The following CCDC81 variants were observed in gnomAD, a reference collection of about 807,000 sequenced individuals.
The protein encoded by CCDC81 is coiled-coil domain containing 81, also known as coiled-coil domain-containing protein 81.
A neutral mutation model predicts 83.7 loss-of-function variants in CCDC81; 79 were observed. The observed-to-expected ratio is 0.94, with a 90% confidence interval of 0.79 to 1.14. The LOEUF (loss-of-function observed/expected upper bound fraction) is 1.14. Ranked by LOEUF, CCDC81 falls within the 50% of genes most tolerant of loss-of-function variation. The pLI, the probability that CCDC81 is intolerant of heterozygous loss-of-function variation, is 0.00. For synonymous variants in CCDC81, 252 were observed against 278.1 expected (o/e 0.91, Z 0.93); for missense variants, 791 against 778.1 (o/e 1.02, Z -0.20).
intron 6 of CCDC81, among the ~76,000 whole-genome samples, chr11:86,398,311 G>A (rs372068242): frequency 9.2e-5 from 14 of 152,240 alleles, no homozygotes; most frequent in Admixed American, 4.6e-4. Context: ...TCAGATGACT[G>A]CAGGCAGGTA....
chr11:86,420,350 T>G (rs1445159670), intron 14 of CCDC81, among the ~76,000 whole-genome samples: 1 of 152,166 alleles, frequency 6.6e-6, no homozygotes, highest in East Asian at 1.9e-4. Context: ...AAATAACTAT[T>G]TGGAAGTAGG....
chr11:86,409,598 C>T (rs1016340512), intron 10 of CCDC81, among the ~76,000 whole-genome samples: 9 of 152,136 alleles, frequency 5.9e-5, no homozygotes, highest in African/African-American at 1.9e-4. Context: ...ATTACAGGCA[C>T]CCGCCACCAT....
chr11:86,412,121 T>C (rs1948650957), intron 10 of CCDC81, among the ~76,000 whole-genome samples: 1 of 152,234 alleles, frequency 6.6e-6, no homozygotes, highest in Non-Finnish European at 1.5e-5. Context: ...TCCCTGGCAA[T>C]AATCATTGTC....
chr11:86,411,469 T>G (rs1948640525), intron 10 of CCDC81, among the ~76,000 whole-genome samples: 1 of 152,220 alleles, frequency 6.6e-6, no homozygotes, highest in Admixed American at 6.5e-5. Context: ...ATGTACCGTT[T>G]CTTGCTCATT....
chr11:86,378,175 C>G (rs1278464478), intron 1 of CCDC81, among the ~76,000 whole-genome samples: 1 of 151,946 alleles, frequency 6.6e-6, no homozygotes, highest in African/African-American at 2.4e-5. Context: ...CTTGATGACT[C>G]AGCTTTATTG....
At chr11:86,379,905 G>A (rs1948153585) in intron 1 of CCDC81, among the ~76,000 whole-genome samples, 1 of 152,124 alleles carries the variant, frequency 6.6e-6, no homozygotes, top group Non-Finnish European at 1.5e-5. Flanking sequence ...GGCTGCTTGA[G>A]AGCCTAGCAG....
In CCDC81 at chr11:86,391,850, C is replaced by T. The variant is rs1040078263; in HGVS notation, c.299-691C>T. Among the ~76,000 whole-genome samples the T allele has an allele frequency of 3.3e-5, 5 of 152,130 alleles. 1 individual carries two copies. Among genetic ancestry groups the T allele is most frequent in the Admixed American group, 1.3e-4 (2 of 15,268 alleles). On this transcript the variant is annotated intron_variant, in intron 3 of 14. Coordinates refer to ENST00000445632, the MANE Select transcript of CCDC81 (RefSeq NM_001156474.2). ...CTGACCCACGTTTCCACAGGCTGTA[C>T]AGAAGTATGGCTGGGGAGGCCTCAG...
At chr11:86,403,303 G>C (rs1593928517) in intron 7 of CCDC81, among the ~76,000 whole-genome samples, 1 of 152,026 alleles carries the variant, frequency 6.6e-6, no homozygotes, top group African/African-American at 2.4e-5. Context: ...TCATAAGTAT[G>C]AATAGTTTTC....
chr11:86,396,447 C>T (rs1948409883), intron 5 of CCDC81, among the ~76,000 whole-genome samples: 1 of 152,096 alleles, frequency 6.6e-6, no homozygotes, highest in South Asian at 2.1e-4. Flanking sequence ...CTGTGCATTT[C>T]AGGTGGAGGA....
chr11:86,400,574 TA>T lies in CCDC81; in HGVS notation c.758-102del, dbSNP rs1279509808. The T allele has an allele frequency of 5.2e-6, 6 of 1,148,710 alleles. No individual in the cohort carries two copies. In the Admixed American group the frequency reaches 9.3e-5, roughly 18 times the overall value. The allele number at this position is 1,148,710 out of a possible 1,614,324, so 71.2% of individuals were successfully genotyped here. A position where few individuals can be genotyped will look rare whatever the true frequency, so the allele number is the denominator to read the frequency against. On this transcript the variant is annotated intron_variant, in intron 6 of 14. Transcript: ENST00000445632. ...AGAACAAGGGGTGATTATTTAAAGA[TA>T]AGAGAGTGTATCTTATATGAAAATT...
At chr11:86,394,266 A>T (rs1285646414) in intron 4 of CCDC81, among the ~76,000 whole-genome samples, 1 of 152,266 alleles carries the variant, frequency 6.6e-6, no homozygotes, top group East Asian at 1.9e-4. Context: ...TGTAAAGCAC[A>T]TCTTTTACAG....
chr11:86,405,373 G>A (rs771482864), intron 7 of CCDC81, among the ~76,000 whole-genome samples: 10 of 151,952 alleles, frequency 6.6e-5, no homozygotes, highest in Non-Finnish European at 8.8e-5. Context: ...TTTTGTGTGT[G>A]TTTTATTATT....
At chr11:86,400,632 T>G (rs1394731851) in intron 6 of CCDC81, 46 bp from the exon 7 acceptor site, 1 of 1,558,002 alleles carries the variant, frequency 6.4e-7, no homozygotes, top group Non-Finnish European at 8.8e-7. Flanking sequence ...GTTAGTGGTT[T>G]GAGAGTTGAA....
chr11:86,402,836 TTTTTG>T (rs776549670), intron 7 of CCDC81, among the ~76,000 whole-genome samples: 1 of 151,940 alleles, frequency 6.6e-6, no homozygotes. Flanking sequence ...CTAGTGGGTT[TTTTTG>T]TTTTGTTTTG....
In CCDC81 at chr11:86,385,965, T is replaced by C. The variant is rs148081359; in HGVS notation, c.80-86T>C. On this transcript the variant is annotated intron_variant, in intron 1 of 14. Transcript: ENST00000445632. ...ATGTCATTTGCTTCCACATTTCATA[T>C]TTACATTTTTATTTATTAGCACTAA... 9.2e-5 allele frequency: 57 copies of C among 621,874 alleles called. 1 individual carries two copies. The Admixed American group carries it at 1.3e-3, about 15-fold the overall frequency. 38.5% of individuals were successfully genotyped at this position (621,874 alleles called of 1,614,324 possible). A position where few individuals can be genotyped will look rare whatever the true frequency, so the allele number is the denominator to read the frequency against.
At chr11:86,409,872 A>C (rs759377386) in intron 10 of CCDC81, among the ~76,000 whole-genome samples, 35 of 152,152 alleles carry the variant, frequency 2.3e-4, no homozygotes, top group Non-Finnish European at 5.0e-4. Flanking sequence ...TACCATTCCT[A>C]CTAGTCACTG....
chr11:86,387,166 T>C (rs1371076547), intron 2 of CCDC81, among the ~76,000 whole-genome samples: 1 of 152,194 alleles, frequency 6.6e-6, no homozygotes, highest in Non-Finnish European at 1.5e-5. Flanking sequence ...TAAATTCCTC[T>C]AATGGCAGAT....
intron 8 of CCDC81, 75 bp from the exon 9 acceptor site, chr11:86,408,052 A>T: frequency 6.8e-7 from 1 of 1,465,894 alleles, no homozygotes; most frequent in Non-Finnish European, 9.3e-7. Flanking sequence ...TAGCCTTTGG[A>T]GAGCTTGTGA....
intron 1 of CCDC81, among the ~76,000 whole-genome samples, chr11:86,379,609 T>A (rs2074467225): frequency 6.6e-6 from 1 of 152,180 alleles, no homozygotes. Context: ...ATATATGATA[T>A]ATGCATAAGC....
Sources: allele counts gnomAD v4.1 joint callset (sites outside exome capture counted in the v4.1 genomes callset), GRCh38; gene constraint gnomAD v4.1.1; transcripts MANE v1.5; gene names NCBI Gene and HGNC (gene_info 2026-07-23, HGNC 2026-07-21).